The following MYO6 variants were observed in gnomAD, a reference collection of about 807,000 sequenced individuals.
MYO6 encodes the protein myosin VI.
In MYO6, 74 loss-of-function variants were observed where a neutral mutation model predicts 178.7. The ratio of observed to expected loss-of-function variants is 0.41; its 90% CI spans 0.34 to 0.50. The LOEUF (loss-of-function observed/expected upper bound fraction) is 0.50, where lower values mean the gene tolerates loss of function less well. Among genes scored for constraint, MYO6 ranks in the 20% least tolerant of loss-of-function variants. MYO6 has a pLI of 0.09. For synonymous variants in MYO6, 477 were observed against 504.6 expected, an observed-to-expected ratio of 0.95 and a Z score of 0.73; for missense variants, 1,330 against 1,547.4, an observed-to-expected ratio of 0.86 and a Z score of 2.36.
Position 75,890,277 on chromosome 6 carries a change from ATAT to A in MYO6, c.2867+17_2867+19del. The A allele has an allele frequency of 3.1e-6, 5 of 1,613,554 alleles. No homozygotes were observed. Among genetic ancestry groups the A allele is most frequent in the Non-Finnish European group, 4.2e-6 (5 of 1,179,594 alleles). ...GAGGAAAGGCGGATGTGAGGCATTT[ATAT>A]TATTTTGAATAAGAGACTTAAAGAA... On this transcript the variant is annotated intron_variant, in intron 26 of 34. Transcript: ENST00000369977.
At chr6:75,761,592 A>AACACACAC (rs3057486) in intron 1 of MYO6, among the ~76,000 whole-genome samples, 9,862 of 142,956 alleles carry the variant, frequency 0.069, 391 homozygotes, top group African/African-American at 0.11. Flanking sequence ...GGGCTGTTAG[A>AACACACAC]ACACACACAC....
At chr6:75,876,342 A>G (rs1449616989) in intron 20 of MYO6, among the ~76,000 whole-genome samples, 1 of 152,158 alleles carries the variant, frequency 6.6e-6, no homozygotes, top group Non-Finnish European at 1.5e-5. Flanking sequence ...GCTTACACAT[A>G]CATTCCTATT....
intron 20 of MYO6, among the ~76,000 whole-genome samples, chr6:75,879,419 ATTT>A (rs34598660): frequency 4.3e-4 from 54 of 126,408 alleles, no homozygotes; most frequent in Admixed American, 9.7e-4. Flanking sequence ...TGATTTCTCT[ATTT>A]TTTTTTTTTT....
At chr6:75,858,013 C>T (rs542755347) in intron 13 of MYO6, among the ~76,000 whole-genome samples, 30 of 151,930 alleles carry the variant, frequency 2.0e-4, no homozygotes, top group Admixed American at 3.3e-4. Flanking sequence ...TGATGTAATA[C>T]GTATTTTAAA....
rs887779983 is a variant in MYO6 at position 75,845,085 on chromosome 6, G to A, written c.897+108G>A. The A allele has an allele frequency of 3.4e-6, 3 of 872,808 alleles. No homozygotes were observed. In the African/African-American group the frequency reaches 5.1e-5, roughly 15 times the overall value. 54.1% of individuals were successfully genotyped at this position (872,808 alleles called of 1,614,324 possible). A position where few individuals can be genotyped will look rare whatever the true frequency, so the allele number is the denominator to read the frequency against. ...CCCAAGTAAGAGTTCTAACTTTTAG[G>A]CTTATACTTTAAAAAATTAAATATT... On this transcript the variant is annotated intron_variant, in intron 10 of 34. Transcript: ENST00000369977.
At chr6:75,819,992 T>A (rs935828009) in intron 2 of MYO6, among the ~76,000 whole-genome samples, 2 of 152,132 alleles carry the variant, frequency 1.3e-5, no homozygotes, top group African/African-American at 4.8e-5. Context: ...TGCAGTGAGC[T>A]GTGATTGTGC....
chr6:75,871,609 G>T (rs1014784636), intron 19 of MYO6, among the ~76,000 whole-genome samples: 1 of 152,072 alleles, frequency 6.6e-6, no homozygotes, highest in Admixed American at 6.6e-5. Context: ...TATTATATCA[G>T]TATTATTGTT....
intron 1 of MYO6, among the ~76,000 whole-genome samples, chr6:75,816,132 A>G (rs1168078914): frequency 2.0e-5 from 3 of 152,248 alleles, no homozygotes; most frequent in Non-Finnish European, 2.9e-5. Context: ...ATATTCATCA[A>G]CAGAGCAATA....
chr6:75,835,831 A>G (rs1562227068), intron 6 of MYO6, 70 bp from the exon 7 acceptor site: 1 of 855,088 alleles, frequency 1.2e-6, no homozygotes, highest in African/African-American at 1.7e-5. Flanking sequence ...TTTTATATGT[A>G]CTAGATAATT....
At chr6:75,770,062 C>G (rs1297603864) in intron 1 of MYO6, among the ~76,000 whole-genome samples, 1 of 152,166 alleles carries the variant, frequency 6.6e-6, no homozygotes, top group African/African-American at 2.4e-5. Context: ...GGCTCAGACC[C>G]CACATTTCCC....
Position 75,848,524 on chromosome 6 carries a change from C to T in MYO6, c.1071C>T (p.Ser357=). 6.2e-7 allele frequency: 1 copy of T among 1,612,832 alleles called. No homozygotes were observed. Among genetic ancestry groups the T allele is most frequent in the Non-Finnish European group, 8.5e-7 (1 of 1,179,562 alleles). Residue 357 remains serine (S), a synonymous_variant, in exon 11 of 35, where the codon AGC becomes AGT. Coordinates refer to ENST00000369977, the MANE Select transcript of MYO6 (RefSeq NM_004999.4). ...ATATTGATTTTGAGGAAGCTGGCAG[C>T]ACTTCAGGTTTGCTTTTTATTTTTT... ...LGNIDFEEAG[S]TSGGCNLKNK... is the part of the protein sequence containing the mutation.
At chr6:75,782,650 T>C (rs1767100320) in intron 1 of MYO6, among the ~76,000 whole-genome samples, 1 of 152,170 alleles carries the variant, frequency 6.6e-6, no homozygotes, top group East Asian at 1.9e-4. Context: ...TGCTCTGTTA[T>C]CCCATCTCTA....
chr6:75,873,367 T>A, intron 20 of MYO6, 67 bp downstream of exon 20: 1 of 1,154,708 alleles, frequency 8.7e-7, no homozygotes, highest in Non-Finnish European at 1.3e-6. Context: ...ATAGGTTCAG[T>A]ATTTTCAAAT....
At chr6:75,840,052 T>C (rs1290837276) in intron 7 of MYO6, among the ~76,000 whole-genome samples, 2 of 152,168 alleles carry the variant, frequency 1.3e-5, no homozygotes, top group African/African-American at 4.8e-5. Context: ...TCTTGTTATA[T>C]ATTTGAGAAA....
chr6:75,792,114 T>C (rs1433496930), intron 1 of MYO6, among the ~76,000 whole-genome samples: 2 of 152,192 alleles, frequency 1.3e-5, no homozygotes, highest in Non-Finnish European at 2.9e-5. Context: ...ATGAAAACAA[T>C]AACACTGGTT....
chr6:75,907,014 C>A (rs1005234439), intron 30 of MYO6, among the ~76,000 whole-genome samples: 1 of 152,048 alleles, frequency 6.6e-6, no homozygotes, highest in East Asian at 1.9e-4. Context: ...AGATTCCATC[C>A]GTTCTTTTAG....
At chr6:75,892,425 C>A (rs1037373666) in intron 27 of MYO6, 105 bp from the exon 28 acceptor site, 163 of 1,447,796 alleles carry the variant, frequency 1.1e-4, no homozygotes, top group Non-Finnish European at 1.5e-4. Context: ...TAGTAAAGAA[C>A]TTGTATGGGG....
At chr6:75,870,952 G>A (rs1370673516) in intron 19 of MYO6, among the ~76,000 whole-genome samples, 1 of 152,020 alleles carries the variant, frequency 6.6e-6, no homozygotes, top group Non-Finnish European at 1.5e-5. Context: ...GGTAATAGTG[G>A]AGAATTTTTC....
rs572483175 is a variant in MYO6 at position 75,830,198 on chromosome 6, CCT to C, written c.262-217_262-216del. 7.9e-5 allele frequency among the ~76,000 whole-genome samples: 12 copies of C among 151,990 alleles called. No homozygotes were observed. The East Asian group carries it at 2.3e-3, about 29-fold the overall frequency. On this transcript the variant is annotated intron_variant, in intron 4 of 34. Transcript: ENST00000369977. ...GTTTGGATATGCCGAACTAAAGGTGCCTATGGGTTGGTAAGATACAAATATTT... is the reference window on the plus strand; with the variant it reads ...GTTTGGATATGCCGAACTAAAGGTGCATGGGTTGGTAAGATACAAATATTT...
Sources: allele counts gnomAD v4.1 joint callset (sites outside exome capture counted in the v4.1 genomes callset), GRCh38; gene constraint gnomAD v4.1.1; transcripts MANE v1.5; gene names NCBI Gene and HGNC (gene_info 2026-07-23, HGNC 2026-07-21).